CNTN6: variants seen among roughly 807,000 people sequenced by gnomAD.
CNTN6 encodes the protein contactin 6.
Under a neutral mutation model 122.8 loss-of-function variants are expected in CNTN6, and 137 were observed. The ratio of observed to expected loss-of-function variants is 1.12; its 90% CI spans 0.97 to 1.29. The LOEUF (loss-of-function observed/expected upper bound fraction) is 1.29, where lower values mean the gene tolerates loss of function less well. CNTN6 is among the 50% of genes most tolerant of loss of function. The pLI is 0.00. For missense variants in CNTN6, 1,634 were observed against 1,223.4 expected (o/e 1.34, Z -5.01); for synonymous variants, 570 against 426.0 (o/e 1.34, Z -4.16).
At chr3:1,175,815 C>G (rs1334306628) in intron 2 of CNTN6, among the ~76,000 whole-genome samples, 1 of 146,528 alleles carries the variant, frequency 6.8e-6, no homozygotes, top group Admixed American at 6.8e-5. Flanking sequence ...AGCAACAGAA[C>G]TATTTGAATA....
intron 11 of CNTN6, among the ~76,000 whole-genome samples, chr3:1,331,991 C>T (rs1049329245): frequency 2.0e-5 from 3 of 151,944 alleles, no homozygotes; most frequent in Non-Finnish European, 4.4e-5. Flanking sequence ...ATCATATCAG[C>T]TCAGCATTGT....
chr3:1,385,572 G>A, intron 19 of CNTN6, 39 bp from the exon 20 acceptor site: 1 of 1,494,162 alleles, frequency 6.7e-7, no homozygotes, highest in Non-Finnish European at 9.1e-7. Context: ...ATAGTTATTG[G>A]GGAACAATAA....
At chr3:1,221,161 G>A (rs2094202745) in intron 3 of CNTN6, among the ~76,000 whole-genome samples, 1 of 151,760 alleles carries the variant, frequency 6.6e-6, no homozygotes, top group South Asian at 2.1e-4. Context: ...GAGAGAGAGA[G>A]AAGAGAGATA....
Position 1,325,803 on chromosome 3 carries a change from T to C in CNTN6, c.947-12T>C, listed in dbSNP as rs1701453660. 4 of 1,608,550 alleles carry C rather than the reference T, an allele frequency of 2.5e-6. No homozygotes were observed. In the South Asian group the frequency reaches 3.3e-5, roughly 13 times the overall value. ...CTTTTACCAAACAGTGGCACTTGCC[T>C]TTTTGAAACAGCTCCTCCAGAATGG... On this transcript the variant is annotated splice_polypyrimidine_tract_variant and intron_variant, in intron 8 of 22. Coordinates refer to ENST00000446702, the MANE Select transcript of CNTN6 (RefSeq NM_001289080.2).
intron 1 of CNTN6, among the ~76,000 whole-genome samples, chr3:1,124,587 AG>A: frequency 6.6e-6 from 1 of 151,890 alleles, no homozygotes; most frequent in African/African-American, 2.4e-5. Context: ...TATTGGGTAT[AG>A]TGTACACTGG....
chr3:1,185,532 A>T (rs1171661704), intron 2 of CNTN6, among the ~76,000 whole-genome samples: 1 of 152,190 alleles, frequency 6.6e-6, no homozygotes, highest in East Asian at 1.9e-4. Context: ...TTTGGTATAA[A>T]GGCCACTGAA....
chr3:1,144,009 T>C (rs2092670945), intron 1 of CNTN6, among the ~76,000 whole-genome samples: 1 of 152,166 alleles, frequency 6.6e-6, no homozygotes, highest in Non-Finnish European at 1.5e-5. Flanking sequence ...AGAAGCAAAA[T>C]CTCTAGATTC....
chr3:1,141,072 A>G (rs1460156147), intron 1 of CNTN6, among the ~76,000 whole-genome samples: 1 of 152,190 alleles, frequency 6.6e-6, no homozygotes, highest in Non-Finnish European at 1.5e-5. Context: ...TTATTGATTT[A>G]GCTTAAAAGT....
intron 7 of CNTN6, among the ~76,000 whole-genome samples, chr3:1,313,097 T>C (rs1699621690): frequency 6.6e-6 from 1 of 152,058 alleles, no homozygotes; most frequent in Non-Finnish European, 1.5e-5. Context: ...ACGGAATAAA[T>C]TTGAGGTAAC....
intron 1 of CNTN6, among the ~76,000 whole-genome samples, chr3:1,103,378 AT>A (rs1296630074): frequency 6.6e-6 from 1 of 152,130 alleles, no homozygotes; most frequent in Non-Finnish European, 1.5e-5. Flanking sequence ...ATAAAATATA[AT>A]TTTTTCAGAG....
intron 2 of CNTN6, among the ~76,000 whole-genome samples, chr3:1,154,869 T>C (rs977641662): frequency 6.6e-6 from 1 of 152,238 alleles, no homozygotes; most frequent in Non-Finnish European, 1.5e-5. Flanking sequence ...ATCTCTACTT[T>C]TACTTAACTT....
At chr3:1,392,171 G>A (rs1342769471) in intron 20 of CNTN6, among the ~76,000 whole-genome samples, 2 of 152,260 alleles carry the variant, frequency 1.3e-5, no homozygotes, top group Non-Finnish European at 2.9e-5. Flanking sequence ...CAAGGCTACA[G>A]TAACCAAAAC....
At chr3:1,391,579 A>T (rs1315399286) in intron 20 of CNTN6, among the ~76,000 whole-genome samples, 3 of 148,622 alleles carry the variant, frequency 2.0e-5, no homozygotes, top group African/African-American at 7.6e-5. Context: ...AGAAGGAAAT[A>T]AAGGGTATTC....
At chr3:1,129,314 T>C (rs950556882) in intron 1 of CNTN6, among the ~76,000 whole-genome samples, 1 of 152,096 alleles carries the variant, frequency 6.6e-6, no homozygotes, top group African/African-American at 2.4e-5. Flanking sequence ...TGTGGTCTCC[T>C]GATTATAGCA....
At chr3:1,377,168 T>A in intron 17 of CNTN6, 93 bp downstream of exon 17, 1 of 806,704 alleles carries the variant, frequency 1.2e-6, no homozygotes, top group Non-Finnish European at 2.0e-6. Context: ...TGATCACTAT[T>A]GAGAGCGTAA....
chr3:1,122,007 TCA>T (rs1302008462), intron 1 of CNTN6, among the ~76,000 whole-genome samples: 12 of 151,994 alleles, frequency 7.9e-5, no homozygotes, highest in Admixed American at 6.6e-5. Context: ...TCTCTAGACC[TCA>T]GTTTTCTTAT....
chr3:1,369,578 A>G lies in CNTN6; in HGVS notation c.1493-2721A>G, dbSNP rs1474791048. 2.6e-5 allele frequency among the ~76,000 whole-genome samples: 4 copies of G among 152,312 alleles called. No homozygotes were observed. In the South Asian group the frequency reaches 8.3e-4, roughly 32 times the overall value. ...CATTATTACTGTACAACAATGAGCT[A>G]TGTAGATAGGGAATAATTTGTCCAA... On this transcript the variant is annotated intron_variant, in intron 12 of 22. Coordinates refer to ENST00000446702, the MANE Select transcript of CNTN6 (RefSeq NM_001289080.2).
rs551199898 is a variant in CNTN6, at chr3:1,348,258, C to T, written c.1365-4066C>T. ...CAGATTCGATCATAAGTAGTTTGTC[C>T]TCAAAGCCCAAGTTTTTATCCACTC... is the stretch of plus-strand genomic sequence containing the variant. On this transcript the variant is annotated intron_variant, in intron 11 of 22. Transcript: ENST00000446702. 1.5e-4 allele frequency among the ~76,000 whole-genome samples: 23 copies of T among 150,696 alleles called. No homozygotes were observed. In the South Asian group the frequency reaches 4.6e-3, roughly 30 times the overall value.
intron 5 of CNTN6, among the ~76,000 whole-genome samples, chr3:1,287,931 C>T (rs961893288): frequency 6.6e-6 from 1 of 152,174 alleles, no homozygotes; most frequent in Non-Finnish European, 1.5e-5. Context: ...CGAAAATAGC[C>T]AGCTCTGAAG....
Sources: gnomAD v4.1 joint callset for allele counts (sites outside exome capture counted in the v4.1 genomes callset) on GRCh38, gnomAD v4.1.1 for gene constraint, MANE v1.5 for transcripts, NCBI Gene and HGNC (gene_info 2026-07-23, HGNC 2026-07-21) for gene names.